ITCH: variants seen among roughly 807,000 people sequenced by gnomAD.
ITCH encodes itchy E3 ubiquitin protein ligase.
Under a neutral mutation model 126.8 loss-of-function variants are expected in ITCH, and 28 were observed. The observed-to-expected ratio is 0.22, with a 90% CI of 0.16 to 0.30. The LOEUF (loss-of-function observed/expected upper bound fraction) is 0.30, where lower values mean the gene tolerates loss of function less well. ITCH is among the 10% of genes least tolerant of loss of function. The pLI is 1.00. For missense variants in ITCH, 631 were observed against 1,032.4 expected (o/e 0.61, Z 5.33); for synonymous variants, 342 against 340.0 (o/e 1.01, Z -0.06).
chr20:34,464,068 G>A (rs1017938937), intron 14 of ITCH, among the ~76,000 whole-genome samples: 4 of 151,760 alleles, frequency 2.6e-5, no homozygotes, highest in Admixed American at 6.6e-5. Flanking sequence ...TATGCCTCCC[G>A]GGTTCACGCC....
intron 14 of ITCH, among the ~76,000 whole-genome samples, chr20:34,465,572 GT>G (rs1986975608): frequency 6.6e-6 from 1 of 151,960 alleles, no homozygotes; most frequent in Non-Finnish European, 1.5e-5. Flanking sequence ...ATATCTTTGT[GT>G]TTTCTTTGAT....
chr20:34,384,917 C>T (rs1229515783), intron 2 of ITCH, among the ~76,000 whole-genome samples: 1 of 152,078 alleles, frequency 6.6e-6, no homozygotes, highest in Non-Finnish European at 1.5e-5. Flanking sequence ...CTGCCTCGGC[C>T]TCCTAAAATG....
intron 10 of ITCH, among the ~76,000 whole-genome samples, chr20:34,443,217 C>T (rs1348210452): frequency 2.6e-5 from 4 of 151,650 alleles, no homozygotes; most frequent in Admixed American, 2.6e-4. Flanking sequence ...TTAACATTAA[C>T]ATTAACATTA....
At chr20:34,408,522 G>A in intron 3 of ITCH, 129 bp from the exon 4 acceptor site, 1 of 808,204 alleles carries the variant, frequency 1.2e-6, no homozygotes, top group Non-Finnish European at 2.1e-6. Flanking sequence ...AATAAAATTG[G>A]TAAGTATTTT....
In ITCH at chr20:34,508,929, G is replaced by T. The variant is rs1406725419; in HGVS notation, c.*1135G>T. The T allele has an allele frequency of 2.0e-5, 3 of 152,114 alleles. No individual in the cohort carries two copies. The highest frequency in any genetic ancestry group is 4.4e-5 in the Non-Finnish European group (3 of 68,002). The allele number at this position is 152,114 out of a possible 1,614,324, so 9.4% of individuals were successfully genotyped here. On this transcript the variant is annotated 3_prime_UTR_variant, in exon 25 of 25. Coordinates refer to ENST00000374864, the MANE Select transcript of ITCH (RefSeq NM_031483.7). The stretch of plus-strand genomic sequence containing the variant: ...TTTTCATTTGAGAGGGAGAGCTGTG[G>T]TACTGGCTAAAAAGAAAGGAAGATA...
rs762061574 is a variant in ITCH at position 34,438,469 on chromosome 20, C to T, written c.522-5C>T. The T allele has an allele frequency of 1.2e-6, 2 of 1,613,586 alleles. No individual in the cohort carries two copies. Among genetic ancestry groups the T allele is most frequent in the Admixed American group, 1.7e-5 (1 of 59,978 alleles). The stretch of plus-strand genomic sequence containing the variant: ...CCCCCTTCCTTTTCCCCTCTTCTTA[C>T]CCAGAGTGAGCACAAATGGATCAGA... On this transcript the variant is annotated splice_polypyrimidine_tract_variant and splice_region_variant and intron_variant, in intron 7 of 24. Transcript: ENST00000374864.
chr20:34,476,907 CCT>C (rs1187061938), intron 16 of ITCH: 1 of 152,284 alleles, frequency 6.6e-6, no homozygotes, highest in Non-Finnish European at 1.5e-5. Flanking sequence ...AACCAAATGA[CCT>C]ATTGATTGTA....
At chr20:34,364,797 A>G (rs1056947885) in intron 1 of ITCH, among the ~76,000 whole-genome samples, 3 of 140,426 alleles carry the variant, frequency 2.1e-5, no homozygotes, top group Non-Finnish European at 3.0e-5. Flanking sequence ...AGGCTGAGGC[A>G]GGAGAATGGC....
At position 34,388,108 on chromosome 20, in the gene ITCH, T is replaced by C. The variant is rs373656151; in HGVS notation, c.-21-5683T>C. ...TGCTGTACTTGTGAAGGCTTTTTTT[T>C]TTTTTTTGAGACACGGTCTCACTGT... On this transcript the variant is annotated intron_variant, in intron 2 of 24. Coordinates refer to ENST00000374864, the MANE Select transcript of ITCH (RefSeq NM_031483.7). 4.6e-5 allele frequency among the ~76,000 whole-genome samples: 7 copies of C among 152,006 alleles called. No homozygotes were observed. The East Asian group carries it at 5.8e-4, about 13-fold the overall frequency.
chr20:34,412,761 G>T, intron 5 of ITCH, 122 bp downstream of exon 5: 1 of 779,808 alleles, frequency 1.3e-6, no homozygotes, highest in Non-Finnish European at 2.1e-6. Context: ...TTGGTTATAG[G>T]ATGAACAGAT....
intron 6 of ITCH, among the ~76,000 whole-genome samples, chr20:34,415,539 C>T (rs1231096268): frequency 6.6e-6 from 1 of 152,060 alleles, no homozygotes; most frequent in African/African-American, 2.4e-5. Flanking sequence ...GCCTGGGTGA[C>T]AGAGTGAGAC....
chr20:34,440,791 C>T (rs1335495263), intron 9 of ITCH, among the ~76,000 whole-genome samples: 1 of 151,928 alleles, frequency 6.6e-6, no homozygotes, highest in Non-Finnish European at 1.5e-5. Context: ...GATCTGGAGT[C>T]AAAATGAACA....
chr20:34,462,243 G>A (rs1986603713), intron 14 of ITCH, 22 bp downstream of exon 14: 1 of 1,610,004 alleles, frequency 6.2e-7, no homozygotes, highest in African/African-American at 1.3e-5. Context: ...AAACATTGTA[G>A]ATTAAGAGTA....
At chr20:34,364,107 C>T (rs2037313763) in intron 1 of ITCH, among the ~76,000 whole-genome samples, 1 of 152,172 alleles carries the variant, frequency 6.6e-6, no homozygotes, top group African/African-American at 2.4e-5. Flanking sequence ...TTTTCCAAGA[C>T]AGTTCCCGTC....
chr20:34,431,338 A>C (rs890227626), intron 7 of ITCH, among the ~76,000 whole-genome samples: 2 of 152,132 alleles, frequency 1.3e-5, no homozygotes, highest in Non-Finnish European at 2.9e-5. Flanking sequence ...CCTTGAGCCC[A>C]GGAGTTCAAA....
chr20:34,398,933 C>A (rs1216059622), intron 3 of ITCH, among the ~76,000 whole-genome samples: 2 of 152,150 alleles, frequency 1.3e-5, no homozygotes, highest in South Asian at 2.1e-4. Flanking sequence ...TGAGTTACTT[C>A]TTTAGTTTTG....
intron 14 of ITCH, among the ~76,000 whole-genome samples, chr20:34,467,428 G>A (rs1468476077): frequency 6.6e-6 from 1 of 151,542 alleles, no homozygotes; most frequent in African/African-American, 2.4e-5. Flanking sequence ...ACTTAGGAGG[G>A]TGAGATGGGA....
Position 34,480,608 on chromosome 20 carries a change from C to T in ITCH, c.1828C>T (p.His610Tyr). The change falls in exon 19 of 25, where the codon CAT (histidine) becomes TAT (tyrosine). Residue 610 changes from histidine to tyrosine, a missense_variant. Around this residue, in one of 4 missense-constraint regions of ITCH, gnomAD observed 390 missense variants for 731.6 expected, o/e 0.53. Transcript: ENST00000374864. ...IGRFIAMALF[H>Y]GKFIDTGFSL... ...TTTCCTTTTTTCATAGGCTCTGTTCCATGGGAAATTCATAGACACGGGTTT... is the reference window on the plus strand; with the variant it reads ...TTTCCTTTTTTCATAGGCTCTGTTCTATGGGAAATTCATAGACACGGGTTT... 1 of 1,613,752 alleles carries T rather than the reference C, an allele frequency of 6.2e-7. No individual in the cohort carries two copies. Among genetic ancestry groups the T allele is most frequent in the Non-Finnish European group, 8.5e-7 (1 of 1,179,800 alleles).
chr20:34,428,964 G>C (rs1049391384), intron 7 of ITCH, among the ~76,000 whole-genome samples: 2 of 151,444 alleles, frequency 1.3e-5, no homozygotes, highest in Non-Finnish European at 2.9e-5. Flanking sequence ...TTGAGACCGT[G>C]TCTCGTTCTG....
Sources: gnomAD v4.1 joint callset for allele counts (sites outside exome capture counted in the v4.1 genomes callset) on GRCh38, gnomAD v4.1.1 for gene constraint, gnomAD v4.1.1 regional missense constraint, MANE v1.5 for transcripts, NCBI Gene and HGNC (gene_info 2026-07-23, HGNC 2026-07-21) for gene names.